The following TRIM55 variants were observed in gnomAD, a reference collection of about 807,000 sequenced individuals.
TRIM55 encodes the protein tripartite motif containing 55.
TRIM55 carries 50 observed loss-of-function variants against 60.9 expected under a neutral mutation model. The observed-to-expected ratio is 0.82, with a 90% CI of 0.65 to 1.04. TRIM55 has a LOEUF of 1.04. TRIM55 is among the 50% of genes least tolerant of loss of function. TRIM55 has a pLI of 0.00. For synonymous variants in TRIM55, 237 were observed against 238.1 expected, an observed-to-expected ratio of 1.00 and a Z score of 0.04; for missense variants, 681 against 666.9, an observed-to-expected ratio of 1.02 and a Z score of -0.23.
intron 9 of TRIM55, 116 bp downstream of exon 9, chr8:66,154,450 G>A: frequency 9.1e-7 from 1 of 1,103,546 alleles, no homozygotes; most frequent in Non-Finnish European, 1.3e-6. Context: ...CCTCAGCCAG[G>A]GGAAAAGTAC....
At chr8:66,153,820 C>T (rs945084062) in intron 8 of TRIM55, among the ~76,000 whole-genome samples, 1 of 152,110 alleles carries the variant, frequency 6.6e-6, no homozygotes, top group South Asian at 2.1e-4. Context: ...GAAAGACAAG[C>T]TCAGAAAAGA....
chr8:66,169,824 G>C (rs757260341), intron 9 of TRIM55, among the ~76,000 whole-genome samples: 3 of 152,084 alleles, frequency 2.0e-5, no homozygotes, highest in African/African-American at 7.2e-5. Flanking sequence ...TGCAAGTTCT[G>C]GGTTGTTCAT....
intron 9 of TRIM55, among the ~76,000 whole-genome samples, chr8:66,166,480 G>C (rs1811336169): frequency 6.6e-6 from 1 of 152,178 alleles, no homozygotes; most frequent in Non-Finnish European, 1.5e-5. Flanking sequence ...GTATCTCAGT[G>C]ATTTTCATGG....
chr8:66,142,232 G>A (rs1479389164), intron 4 of TRIM55, among the ~76,000 whole-genome samples: 2 of 152,208 alleles, frequency 1.3e-5, no homozygotes, highest in Non-Finnish European at 2.9e-5. Flanking sequence ...GGAACCTCTA[G>A]AGATTCTGGA....
At chr8:66,116,414 C>A in the TRIM55 span, among the ~76,000 whole-genome samples, 2 of 151,950 alleles carry the variant, frequency 1.3e-5, no homozygotes, top group African/African-American at 2.4e-5. Context: ...CGAGACCAGC[C>A]TGGGCAACAT....
intron 7 of TRIM55, 198 bp from the exon 8 acceptor site, chr8:66,152,179 G>T (rs1810466661): frequency 6.0e-6 from 4 of 661,226 alleles, no homozygotes; most frequent in East Asian, 5.5e-5. Flanking sequence ...GATAGGGATG[G>T]TTCCTTCACA....
intron 4 of TRIM55, among the ~76,000 whole-genome samples, chr8:66,146,668 T>C (rs973900637): frequency 6.6e-6 from 1 of 152,234 alleles, no homozygotes; most frequent in Non-Finnish European, 1.5e-5. Flanking sequence ...GAGAGGCTTA[T>C]TTCATGTGTA....
intron 9 of TRIM55, among the ~76,000 whole-genome samples, chr8:66,160,185 A>G (rs908045071): frequency 6.6e-6 from 1 of 152,092 alleles, no homozygotes; most frequent in African/African-American, 2.4e-5. Flanking sequence ...CCCATGTATT[A>G]TTCTTATGCC....
chr8:66,161,088 C>G (rs560758983), intron 9 of TRIM55, among the ~76,000 whole-genome samples: 1 of 152,114 alleles, frequency 6.6e-6, no homozygotes, highest in South Asian at 2.1e-4. Context: ...GTCATGAAGT[C>G]TTTTCCTAAG....
chr8:66,157,901 C>T (rs748237686), intron 9 of TRIM55, among the ~76,000 whole-genome samples: 23 of 152,140 alleles, frequency 1.5e-4, no homozygotes, highest in Non-Finnish European at 2.8e-4. Flanking sequence ...GCTTCCTCTA[C>T]GAGTGATGGA....
chr8:66,160,342 G>A (rs1284941700), intron 9 of TRIM55, among the ~76,000 whole-genome samples: 1 of 146,402 alleles, frequency 6.8e-6, no homozygotes, highest in Non-Finnish European at 1.5e-5. Context: ...TTTTATGGCT[G>A]AGTAGTATTC....
chr8:66,154,179 C>A lies in TRIM55; in HGVS notation c.1369C>A (p.Pro457Thr). 1 of 1,614,104 alleles carries A rather than the reference C, an allele frequency of 6.2e-7. No individual in the cohort carries two copies. ...CCAAACCCGGAAAGCCACCACCAAC[C>A]CACCTTGCACCCCAGGGAGCGAAGG... Reference protein sequence around the residue: ...KGQTRKATTNPPCTPGSEGLG... With the variant: ...KGQTRKATTNTPCTPGSEGLG... The change falls in exon 9 of 10, where the codon CCA becomes ACA. Residue 457 changes from proline (P) to threonine (T), a missense_variant. By Grantham distance (38) the Pro-to-Thr change is conservative. Transcript: ENST00000315962.
At chr8:66,137,022 T>A in intron 3 of TRIM55, 73 bp from the exon 4 acceptor site, 1 of 1,275,096 alleles carries the variant, frequency 7.8e-7, no homozygotes, top group African/African-American at 1.5e-5. Flanking sequence ...GTAAAGACAA[T>A]ATTATGACCA....
chr8:66,167,306 G>A (rs1470826103), intron 9 of TRIM55, among the ~76,000 whole-genome samples: 3 of 152,140 alleles, frequency 2.0e-5, no homozygotes, highest in East Asian at 1.9e-4. Flanking sequence ...TTTGCCTAAC[G>A]CAATGTAAGA....
In TRIM55 at chr8:66,149,818, A is replaced by G. The variant is rs1220733563; in HGVS notation, c.777A>G (p.Ser259=). 2 of 1,614,102 alleles carry G rather than the reference A, an allele frequency of 1.2e-6. No individual in the cohort carries two copies. Among genetic ancestry groups the G allele is most frequent in the Non-Finnish European group, 1.7e-6 (2 of 1,180,030 alleles). ...ATTCTGATCATTTGGAGAACGTCTC[A>G]AAGTTGGTTGAGTCAGGAATTCAGT... ...KKYSDHLENV[S]KLVESGIQFM... The change falls in exon 5 of 10, where the codon TCA becomes TCG. Residue 259 remains serine (S), a synonymous_variant. Coordinates refer to ENST00000315962, the MANE Select transcript of TRIM55 (RefSeq NM_184085.2).
At chr8:66,171,297 A>C (rs1164671953) in intron 9 of TRIM55, among the ~76,000 whole-genome samples, 1 of 138,238 alleles carries the variant, frequency 7.2e-6, no homozygotes, top group East Asian at 2.1e-4. Context: ...CTATGTGTTC[A>C]TGTGTTCTCA....
the TRIM55 span, chr8:66,113,529 A>G: frequency 2.2e-6 from 1 of 456,104 alleles, no homozygotes; most frequent in African/African-American, 2.0e-5. Flanking sequence ...TCAGTGACAC[A>G]TTGCATTCCA....
the TRIM55 span, among the ~76,000 whole-genome samples, chr8:66,116,486 G>C: frequency 6.6e-6 from 1 of 151,666 alleles, no homozygotes; most frequent in Non-Finnish European, 1.5e-5. Flanking sequence ...GTGTACCTGT[G>C]ATCCCAGCTG....
At chr8:66,164,070 G>A (rs1379483911) in intron 9 of TRIM55, among the ~76,000 whole-genome samples, 1 of 151,940 alleles carries the variant, frequency 6.6e-6, no homozygotes, top group Non-Finnish European at 1.5e-5. Context: ...ATGCTGAAAT[G>A]GGTAGAGAGA....
Sources: allele counts gnomAD v4.1 joint callset (sites outside exome capture counted in the v4.1 genomes callset), GRCh38; gene constraint gnomAD v4.1.1; transcripts MANE v1.5; gene names NCBI Gene and HGNC (gene_info 2026-07-23, HGNC 2026-07-21).